The following SLC9D1 variants were observed in gnomAD, a reference collection of about 807,000 sequenced individuals.
SLC9D1 encodes solute carrier family 9 member D1, also known as putative LAG1-interacting protein.
the SLC9D1 span, among the ~76,000 whole-genome samples, chr13:113,536,894 C>T: frequency 2.0e-5 from 3 of 152,174 alleles, no homozygotes; most frequent in South Asian, 2.1e-4. Context: ...ACGTGGGTTT[C>T]CCCAAAGTCG....
the SLC9D1 span, chr13:113,545,669 C>G: frequency 2.0e-5 from 3 of 151,250 alleles, no homozygotes; most frequent in African/African-American, 7.4e-5. Context: ...GCACTGAGCT[C>G]AGGCAGGGGT....
At chr13:113,539,315 C>G in the SLC9D1 span, 1 of 1,596,624 alleles carries the variant, frequency 6.3e-7, no homozygotes, top group Non-Finnish European at 8.5e-7. The surrounding 1 kb of genome is among the most constrained non-coding windows in gnomAD (Gnocchi z 4.8). Context: ...GACCCTGGTG[C>G]ACTGTGGGGT....
At chr13:113,548,541 C>A in the SLC9D1 span, 1 of 1,425,232 alleles carries the variant, frequency 7.0e-7, no homozygotes, top group Non-Finnish European at 9.4e-7. Context: ...GGCTCGGCAG[C>A]ACAGCGGGGC....
chr13:113,509,266 G>A, the SLC9D1 span, among the ~76,000 whole-genome samples: 1 of 149,136 alleles, frequency 6.7e-6, no homozygotes, highest in African/African-American at 2.5e-5. Context: ...TCTATGTTGG[G>A]ACTGGTGGGC....
the SLC9D1 span, among the ~76,000 whole-genome samples, chr13:113,524,362 C>T: frequency 2.0e-5 from 3 of 151,964 alleles, no homozygotes; most frequent in African/African-American, 4.8e-5. Flanking sequence ...TGTTGTTTTT[C>T]GAGACATAGT....
the SLC9D1 span, among the ~76,000 whole-genome samples, chr13:113,545,195 C>A: frequency 2.0e-5 from 3 of 152,240 alleles, no homozygotes; most frequent in African/African-American, 7.2e-5. Context: ...CTTAGCAGCC[C>A]TGAACCAGGC....
the SLC9D1 span, among the ~76,000 whole-genome samples, chr13:113,510,933 G>T: frequency 2.0e-5 from 3 of 152,052 alleles, no homozygotes; most frequent in African/African-American, 7.2e-5. Context: ...TTTAGTGGAA[G>T]CCGACTTGCT....
chr13:113,518,137 T>C, the SLC9D1 span, among the ~76,000 whole-genome samples: 1 of 152,162 alleles, frequency 6.6e-6, no homozygotes, highest in Non-Finnish European at 1.5e-5. Flanking sequence ...AAGATGACAA[T>C]AGTGAAAGTG....
the SLC9D1 span, chr13:113,529,143 G>C: frequency 6.6e-6 from 1 of 152,158 alleles, no homozygotes; most frequent in African/African-American, 2.4e-5. Context: ...CACTTTTAAA[G>C]CTTTTTTTTC....
At chr13:113,508,695 G>A in the SLC9D1 span, among the ~76,000 whole-genome samples, 1 of 152,210 alleles carries the variant, frequency 6.6e-6, no homozygotes, top group African/African-American at 2.4e-5. Flanking sequence ...GCCTCATGGG[G>A]TTGGAAGGCA....
At chr13:113,502,968 G>A in the SLC9D1 span, among the ~76,000 whole-genome samples, 1 of 152,220 alleles carries the variant, frequency 6.6e-6, no homozygotes, top group Non-Finnish European at 1.5e-5. Flanking sequence ...GCCCACGTGT[G>A]GGGGCTCCCA....
the SLC9D1 span, among the ~76,000 whole-genome samples, chr13:113,491,916 C>T: frequency 1.5e-3 from 227 of 152,368 alleles, 1 homozygote; most frequent in African/African-American, 5.0e-3. Flanking sequence ...ATCTTATTTA[C>T]CGGCTTTTTC....
At chr13:113,515,989 G>A in the SLC9D1 span, among the ~76,000 whole-genome samples, 4 of 148,680 alleles carry the variant, frequency 2.7e-5, no homozygotes, top group Non-Finnish European at 5.9e-5. Flanking sequence ...ATAGATTTTT[G>A]TGTGTGGAAT....
At chr13:113,494,752 G>A in the SLC9D1 span, among the ~76,000 whole-genome samples, 35 of 152,238 alleles carry the variant, frequency 2.3e-4, 1 homozygote, top group South Asian at 7.3e-3. Flanking sequence ...ATTTTAAGAA[G>A]CCTGCAGAGC....
At chr13:113,548,399 T>A in the SLC9D1 span, 2 of 1,612,858 alleles carry the variant, frequency 1.2e-6, no homozygotes, top group Non-Finnish European at 1.7e-6. Flanking sequence ...GGTCAGCGAG[T>A]TTTCCTTTGT....
At chr13:113,521,172 G>T in the SLC9D1 span, among the ~76,000 whole-genome samples, 4 of 151,854 alleles carry the variant, frequency 2.6e-5, no homozygotes, top group Non-Finnish European at 5.9e-5. Context: ...GTATGTGTGT[G>T]TATGTATTCA....
chr13:113,504,505 A>G, the SLC9D1 span: 1 of 152,180 alleles, frequency 6.6e-6, no homozygotes, highest in East Asian at 1.9e-4. Flanking sequence ...CTTTGCCCCA[A>G]GTCCGCAGAG....
chr13:113,494,248 G>A, the SLC9D1 span, among the ~76,000 whole-genome samples: 1 of 152,134 alleles, frequency 6.6e-6, no homozygotes, highest in African/African-American at 2.4e-5. Context: ...TGTTGGTTTT[G>A]TTGCCTTTTT....
At chr13:113,547,381 T>A in the SLC9D1 span, 1 of 1,612,372 alleles carries the variant, frequency 6.2e-7, no homozygotes, top group Non-Finnish European at 8.5e-7. Flanking sequence ...GTGATGAAGG[T>A]ATGGACTGGA....
Sources: allele counts gnomAD v4.1 joint callset (sites outside exome capture counted in the v4.1 genomes callset), GRCh38; gene constraint gnomAD v4.1.1; non-coding constraint Gnocchi (gnomAD v3.1); transcripts MANE v1.5; gene names NCBI Gene and HGNC (gene_info 2026-07-23, HGNC 2026-07-21).